Variants in BRD10 observed in about 807,000 individuals in gnomAD.
BRD10 encodes the protein bromodomain containing 10, also known as uncharacterized bromodomain-containing protein 10.
the BRD10 span, chr9:5,921,966 T>C: frequency 1.2e-6 from 2 of 1,613,944 alleles, no homozygotes; most frequent in Non-Finnish European, 1.7e-6. Context: ...GGTGAAAGAC[T>C]AGATGTAGTA....
the BRD10 span, chr9:5,968,509 G>A: frequency 2.2e-5 from 36 of 1,612,608 alleles, no homozygotes; most frequent in African/African-American, 3.5e-4. Flanking sequence ...CACAAGGCCT[G>A]CGAATTCTAA....
chr9:5,930,704 T>C, the BRD10 span, among the ~76,000 whole-genome samples: 12 of 152,246 alleles, frequency 7.9e-5, no homozygotes, highest in Admixed American at 4.6e-4. Context: ...GTAATTTTTA[T>C]TTCATATATT....
the BRD10 span, among the ~76,000 whole-genome samples, chr9:5,982,317 G>T: frequency 6.6e-6 from 1 of 152,134 alleles, no homozygotes; most frequent in Admixed American, 6.5e-5. Flanking sequence ...ACCAAGAGAA[G>T]TGAAACAAAT....
chr9:5,915,982 T>C, the BRD10 span, among the ~76,000 whole-genome samples: 1 of 152,158 alleles, frequency 6.6e-6, no homozygotes, highest in Non-Finnish European at 1.5e-5. Flanking sequence ...TTTTTAACTA[T>C]ATGTTTCTCA....
chr9:5,950,080 G>GT, the BRD10 span, among the ~76,000 whole-genome samples: 16 of 152,056 alleles, frequency 1.1e-4, no homozygotes, highest in Non-Finnish European at 2.1e-4. Context: ...AGGGATAAAC[G>GT]TAAGTTTTCA....
At chr9:5,996,727 T>C in the BRD10 span, among the ~76,000 whole-genome samples, 1 of 152,208 alleles carries the variant, frequency 6.6e-6, no homozygotes, top group Non-Finnish European at 1.5e-5. Context: ...AAAGTTTTTA[T>C]TTACAGACAA....
the BRD10 span, among the ~76,000 whole-genome samples, chr9:5,989,862 T>A: frequency 6.6e-6 from 1 of 152,188 alleles, no homozygotes; most frequent in South Asian, 2.1e-4. Context: ...AATATAATAA[T>A]TGAAGTCCTG....
chr9:5,912,742 G>A, the BRD10 span, among the ~76,000 whole-genome samples: 3 of 152,218 alleles, frequency 2.0e-5, no homozygotes, highest in Admixed American at 6.5e-5. Flanking sequence ...CTACTGCAGC[G>A]TGCCCTTCCT....
chr9:5,942,495 C>G, the BRD10 span, among the ~76,000 whole-genome samples: 1 of 152,220 alleles, frequency 6.6e-6, no homozygotes, highest in East Asian at 1.9e-4. Flanking sequence ...GAATATCTAT[C>G]ACAATCAATA....
At chr9:5,921,369 G>T in the BRD10 span, 1 of 1,613,852 alleles carries the variant, frequency 6.2e-7, no homozygotes, top group Admixed American at 1.7e-5. Flanking sequence ...GGTTGCTCTG[G>T]AGTCTTAACA....
the BRD10 span, among the ~76,000 whole-genome samples, chr9:5,928,705 T>A: frequency 6.6e-6 from 1 of 152,178 alleles, no homozygotes. Context: ...TCAGGGAAGC[T>A]TTCCCTGACA....
chr9:5,968,874 T>G, the BRD10 span: 1 of 1,613,256 alleles, frequency 6.2e-7, no homozygotes, highest in African/African-American at 1.3e-5. Flanking sequence ...CATTCATGGA[T>G]AGGCTGTCCA....
chr9:5,989,082 T>A, the BRD10 span, among the ~76,000 whole-genome samples: 1 of 151,478 alleles, frequency 6.6e-6, no homozygotes, highest in Non-Finnish European at 1.5e-5. Context: ...AATACAAAAT[T>A]AGCCGGGCGC....
the BRD10 span, among the ~76,000 whole-genome samples, chr9:5,942,128 T>A: frequency 6.6e-6 from 1 of 152,168 alleles, no homozygotes; most frequent in Non-Finnish European, 1.5e-5. Flanking sequence ...TACTTAGTTT[T>A]GACAGTGAAA....
At chr9:6,008,305 G>A in the BRD10 span, 2 of 985,020 alleles carry the variant, frequency 2.0e-6, no homozygotes, top group East Asian at 1.1e-4. Context: ...GGCAGAAGGA[G>A]GCGGTGCACG....
the BRD10 span, among the ~76,000 whole-genome samples, chr9:5,985,403 T>G: frequency 6.6e-6 from 1 of 152,086 alleles, no homozygotes; most frequent in Non-Finnish European, 1.5e-5. Flanking sequence ...GACAAAAAAC[T>G]TCTCCAAAAA....
the BRD10 span, among the ~76,000 whole-genome samples, chr9:5,963,399 TA>T: frequency 7.7e-6 from 1 of 130,380 alleles, no homozygotes; most frequent in South Asian, 2.8e-4. Context: ...CTCAAGGAAA[TA>T]AAAGAGGATA....
chr9:5,880,546 CA>C, the BRD10 span, among the ~76,000 whole-genome samples: 893 of 151,854 alleles, frequency 5.9e-3, 12 homozygotes, highest in African/African-American at 0.021. Context: ...AACAAACAAA[CA>C]AAAAAACACT....
the BRD10 span, chr9:5,919,749 G>A: frequency 6.2e-7 from 1 of 1,613,474 alleles, no homozygotes; most frequent in Admixed American, 1.7e-5. Context: ...ACAGACGCAG[G>A]ACTTCGACTG....
Sources: allele counts gnomAD v4.1 joint callset (sites outside exome capture counted in the v4.1 genomes callset), GRCh38; gene constraint gnomAD v4.1.1; transcripts MANE v1.5; gene names NCBI Gene and HGNC (gene_info 2026-07-23, HGNC 2026-07-21).